LNX1: variants seen among roughly 807,000 people sequenced by gnomAD.
LNX1 encodes the protein ligand of numb-protein X 1, also known as E3 ubiquitin-protein ligase LNX.
LNX1 carries 54 observed loss-of-function variants against 68.4 expected under a neutral mutation model. The ratio of observed to expected loss-of-function variants is 0.79; its 90% CI spans 0.63 to 0.99. The LOEUF is 0.99. Among genes scored for constraint, LNX1 ranks in the 50% least tolerant of loss-of-function variants. The probability of loss-of-function intolerance (pLI) is 0.00; values close to 1 mark genes in which losing one functional copy is unlikely to be tolerated. For synonymous variants in LNX1, 336 were observed against 350.0 expected, an observed-to-expected ratio of 0.96 and a Z score of 0.45; for missense variants, 906 against 926.4, an observed-to-expected ratio of 0.98 and a Z score of 0.29.
At chr4:53,510,505 C>T (rs1726251571) in intron 2 of LNX1, among the ~76,000 whole-genome samples, 1 of 152,202 alleles carries the variant, frequency 6.6e-6, no homozygotes, top group African/African-American at 2.4e-5. Flanking sequence ...AAATTCCTGG[C>T]TTGAATTCGT....
At chr4:53,484,734 G>A (rs1248142576) in intron 6 of LNX1, among the ~76,000 whole-genome samples, 1 of 152,098 alleles carries the variant, frequency 6.6e-6, no homozygotes, top group African/African-American at 2.4e-5. Context: ...GTAAATTAAA[G>A]GAACTTTTAG....
At chr4:53,471,041 T>G (rs12643324) in intron 9 of LNX1, among the ~76,000 whole-genome samples, 16,097 of 46,404 alleles carry the variant, frequency 0.35, 3,793 homozygotes, top group Middle Eastern at 0.5. Flanking sequence ...AAGTCAATCC[T>G]AAGCCAAAGG....
intron 2 of LNX1, among the ~76,000 whole-genome samples, chr4:53,570,460 A>T (rs1344530850): frequency 7.3e-6 from 1 of 136,624 alleles, no homozygotes; most frequent in Admixed American, 7.7e-5. Context: ...TGGGAATTGA[A>T]CAATGAGATC....
intron 1 of LNX1, among the ~76,000 whole-genome samples, chr4:53,590,917 G>T (rs56089202): frequency 0.038 from 5,716 of 151,674 alleles, 170 homozygotes; most frequent in Middle Eastern, 0.099. Context: ...GTTTTCAGGG[G>T]GAAAGAAAAA....
intron 6 of LNX1, among the ~76,000 whole-genome samples, chr4:53,490,662 A>T (rs1178871832): frequency 6.6e-6 from 1 of 152,250 alleles, no homozygotes; most frequent in Non-Finnish European, 1.5e-5. Context: ...ATGACCAAAA[A>T]ACATGTTGTC....
chr4:53,560,487 T>C (rs1421972647), intron 2 of LNX1, among the ~76,000 whole-genome samples: 1 of 152,220 alleles, frequency 6.6e-6, no homozygotes, highest in Non-Finnish European at 1.5e-5. Flanking sequence ...TTTATGCTGT[T>C]ACTACATGTA....
At position 53,473,508 on chromosome 4, in the gene LNX1, G is replaced by A. The variant is rs1334290379; in HGVS notation, c.1892+3245C>T. Among the ~76,000 whole-genome samples the A allele has an allele frequency of 4.6e-5, 7 of 152,268 alleles. No homozygotes were observed. The East Asian group carries it at 7.7e-4, about 17-fold the overall frequency. Reference sequence around the variant, plus strand: ...AAGATCATGTCTTTTGTGGGAATACGGATGGATCTGGAGGACATTATCCTT... The same window carrying A: ...AAGATCATGTCTTTTGTGGGAATACAGATGGATCTGGAGGACATTATCCTT... On this transcript the variant is annotated intron_variant, in intron 9 of 10. Transcript: ENST00000263925.
Position 53,460,666 on chromosome 4 carries a change from A to AAT in LNX1, c.*239_*240dup, listed in dbSNP as rs1237573368. On this transcript the variant is annotated 3_prime_UTR_variant, in exon 11 of 11. Transcript: ENST00000263925. ...TTAGGGCTTTTTATTGAATAGAAAA[A>AAT]ATATAAACAATGTTGTAGAGTAATG... 2.5e-6 allele frequency: 1 copy of AAT among 396,050 alleles called. No homozygotes were observed. Among genetic ancestry groups the AAT allele is most frequent in the African/African-American group, 2.1e-5 (1 of 47,608 alleles). The allele number at this position is 396,050 out of a possible 1,614,324, so 24.5% of individuals were successfully genotyped here. A position where few individuals can be genotyped will look rare whatever the true frequency, so the allele number is the denominator to read the frequency against.
intron 6 of LNX1, among the ~76,000 whole-genome samples, chr4:53,490,003 T>C (rs1724572603): frequency 6.6e-6 from 1 of 152,096 alleles, no homozygotes; most frequent in South Asian, 2.1e-4. Context: ...TTTGCAGGTA[T>C]GGCAATGCAA....
chr4:53,473,524 C>T (rs960616354), intron 9 of LNX1, among the ~76,000 whole-genome samples: 6 of 152,152 alleles, frequency 3.9e-5, no homozygotes, highest in African/African-American at 1.4e-4. Context: ...ATCTGGAGGA[C>T]ATTATCCTTA....
At chr4:53,560,278 A>G (rs1376616865) in intron 2 of LNX1, among the ~76,000 whole-genome samples, 1 of 152,182 alleles carries the variant, frequency 6.6e-6, no homozygotes, top group Admixed American at 6.5e-5. Flanking sequence ...GACATTTGAT[A>G]CATCTTTTAT....
At chr4:53,538,715 G>A (rs1485889188) in intron 2 of LNX1, among the ~76,000 whole-genome samples, 1 of 152,202 alleles carries the variant, frequency 6.6e-6, no homozygotes, top group African/African-American at 2.4e-5. Flanking sequence ...CAAACTCACA[G>A]GTGTTCAGGT....
chr4:53,580,752 A>C (rs1731781217), intron 1 of LNX1, among the ~76,000 whole-genome samples: 1 of 152,242 alleles, frequency 6.6e-6, no homozygotes, highest in African/African-American at 2.4e-5. Context: ...TAAATAGTTC[A>C]GTACTGGAAC....
At chr4:53,480,289 G>A (rs1723827398) in intron 7 of LNX1, among the ~76,000 whole-genome samples, 1 of 152,060 alleles carries the variant, frequency 6.6e-6, no homozygotes, top group Non-Finnish European at 1.5e-5. Context: ...CACGTTTCCA[G>A]GAATTAAGAC....
At chr4:53,493,204 T>A (rs1724827162) in intron 6 of LNX1, among the ~76,000 whole-genome samples, 1 of 152,044 alleles carries the variant, frequency 6.6e-6, no homozygotes, top group Non-Finnish European at 1.5e-5. Context: ...ACTGACCTCA[T>A]GATCTGCCTG....
chr4:53,574,504 C>T (rs1267768329), intron 1 of LNX1, among the ~76,000 whole-genome samples: 1 of 152,064 alleles, frequency 6.6e-6, no homozygotes, highest in Non-Finnish European at 1.5e-5. Context: ...ATCTTTCTTC[C>T]CCATCTTTCT....
chr4:53,511,593 C>T (rs887139642), intron 2 of LNX1, among the ~76,000 whole-genome samples: 1 of 152,124 alleles, frequency 6.6e-6, no homozygotes, highest in African/African-American at 2.4e-5. Flanking sequence ...AGATCCTGAG[C>T]TCTTTTATCA....
intron 2 of LNX1, among the ~76,000 whole-genome samples, chr4:53,542,158 T>A (rs1166462160): frequency 1.3e-5 from 2 of 152,158 alleles, no homozygotes; most frequent in East Asian, 3.9e-4. Flanking sequence ...GAAAAATTAG[T>A]GTATGAGATA....
At chr4:53,480,977 G>A (rs955570478) in intron 7 of LNX1, among the ~76,000 whole-genome samples, 1 of 152,180 alleles carries the variant, frequency 6.6e-6, no homozygotes, top group Non-Finnish European at 1.5e-5. Context: ...AGGATGCCAA[G>A]CCAAAGCTAT....
Sources: gnomAD v4.1 joint callset for allele counts (sites outside exome capture counted in the v4.1 genomes callset) on GRCh38, gnomAD v4.1.1 for gene constraint, MANE v1.5 for transcripts, NCBI Gene and HGNC (gene_info 2026-07-23, HGNC 2026-07-21) for gene names.